TNN: variants seen among roughly 807,000 people sequenced by gnomAD.
TNN encodes the protein tenascin N, also known as tenascin-N.
In TNN, 122 loss-of-function variants were observed where a neutral mutation model predicts 134.4. That is an observed-to-expected ratio of 0.91 (90% confidence interval 0.78 to 1.06). The LOEUF (loss-of-function observed/expected upper bound fraction) is 1.06, where lower values mean the gene tolerates loss of function less well. Ranked by LOEUF, TNN falls within the 50% of genes least tolerant of loss-of-function variation. The pLI is 0.00. For missense variants in TNN, 1,739 were observed against 1,699.4 expected, an observed-to-expected ratio of 1.02 and a Z score of -0.41; for synonymous variants, 710 against 670.3, an observed-to-expected ratio of 1.06 and a Z score of -0.91.
intron 17 of TNN, among the ~76,000 whole-genome samples, chr1:175,140,197 G>A (rs1466823616): frequency 1.3e-5 from 2 of 152,178 alleles, no homozygotes; most frequent in Non-Finnish European, 2.9e-5. Flanking sequence ...GAGCCCTTGG[G>A]CCTCTTCAGT....
intron 1 of TNN, among the ~76,000 whole-genome samples, chr1:175,075,224 A>G (rs1487902098): frequency 6.6e-6 from 1 of 152,238 alleles, no homozygotes; most frequent in Non-Finnish European, 1.5e-5. Flanking sequence ...ACATATTACT[A>G]GAATTTGGCT....
chr1:175,073,928 CG>C (rs921349500), intron 1 of TNN, among the ~76,000 whole-genome samples: 1 of 152,164 alleles, frequency 6.6e-6, no homozygotes, highest in Admixed American at 6.5e-5. Flanking sequence ...CACCTCAGCT[CG>C]GGCCCTGAAC....
chr1:175,117,032 A>C lies in TNN; in HGVS notation c.2213A>C (p.Tyr738Ser), dbSNP rs768342181. 6.2e-7 allele frequency: 1 copy of C among 1,614,212 alleles called. No homozygotes were observed. Among genetic ancestry groups the C allele is most frequent in the East Asian group, 2.2e-5 (1 of 44,882 alleles). The change falls in exon 10 of 19, where the codon TAT (tyrosine) becomes TCT (serine). Residue 738 changes from tyrosine (Y) to serine (S), a missense_variant. By Grantham distance (144) the Tyr-to-Ser change is moderately radical. Transcript: ENST00000239462. ...CCGGTGCGGGCCACCATTGACAGGT[A>C]TGTGGTGCGCTACACCTCTGCCAAG... Reference protein sequence around the residue: ...WDPVRATIDRYVVRYTSAKDG... With the variant: ...WDPVRATIDRSVVRYTSAKDG...
At chr1:175,143,247 C>G (rs867685051) in intron 17 of TNN, among the ~76,000 whole-genome samples, 70 of 152,094 alleles carry the variant, frequency 4.6e-4, no homozygotes, top group African/African-American at 9.7e-5. Context: ...AATGCACATG[C>G]GAAGAAGATC....
chr1:175,127,893 C>A, intron 13 of TNN, 139 bp from the exon 14 acceptor site: 1 of 984,624 alleles, frequency 1.0e-6, no homozygotes, highest in Non-Finnish European at 1.5e-6. Context: ...TCTGGGCTGC[C>A]ACTGAGGCTT....
intron 15 of TNN, among the ~76,000 whole-genome samples, chr1:175,130,289 G>T (rs77142399): frequency 6.6e-6 from 1 of 152,344 alleles, no homozygotes; most frequent in East Asian, 1.9e-4. Context: ...TGAATAAAAA[G>T]ATACCATCTG....
rs889169856 is a variant in TNN at position 175,097,652 on chromosome 1, G to C, written c.1824G>C (p.Glu608Asp). The C allele has an allele frequency of 1.2e-6, 2 of 1,614,092 alleles. No individual in the cohort carries two copies. The highest frequency in any genetic ancestry group is 1.3e-5 in the African/African-American group (1 of 74,938). Reference sequence around the variant, plus strand: ...TCTGGGCCCAGAAGGGGGACCGAGAGAGCAAGAAGGCTGACACCAACGCCC... The same window carrying C: ...TCTGGGCCCAGAAGGGGGACCGAGACAGCAAGAAGGCTGACACCAACGCCC... ...VHVWAQKGDR[E>D]SKKADTNAPT... The change falls in exon 8 of 19, where the codon GAG becomes GAC. Residue 608 changes from glutamate (E) to aspartate (D), a missense_variant. Glu to Asp is a conservative substitution (Grantham distance 45). Coordinates refer to ENST00000239462, the MANE Select transcript of TNN (RefSeq NM_022093.2).
intron 15 of TNN, among the ~76,000 whole-genome samples, chr1:175,134,281 C>T (rs761074090): frequency 2.0e-5 from 3 of 152,144 alleles, no homozygotes; most frequent in African/African-American, 7.2e-5. Flanking sequence ...CTTGGCCAGG[C>T]GCAGTGGCTC....
At chr1:175,125,099 G>A (rs988971592) in intron 12 of TNN, among the ~76,000 whole-genome samples, 75 of 152,138 alleles carry the variant, frequency 4.9e-4, no homozygotes, top group Non-Finnish European at 8.4e-4. Context: ...TCTGTGAGAC[G>A]AATAGAATAA....
chr1:175,087,422 G>T (rs998002293), intron 6 of TNN, among the ~76,000 whole-genome samples: 1 of 152,204 alleles, frequency 6.6e-6, no homozygotes, highest in Non-Finnish European at 1.5e-5. Context: ...TTTATCCGGC[G>T]TAGGAACAAA....
At chr1:175,130,415 A>C (rs1053010083) in intron 15 of TNN, among the ~76,000 whole-genome samples, 3 of 152,226 alleles carry the variant, frequency 2.0e-5, no homozygotes, top group Admixed American at 2.0e-4. Flanking sequence ...ACAGAGCAGA[A>C]TGTAACATGG....
At chr1:175,134,554 AC>A (rs1184197402) in intron 15 of TNN, among the ~76,000 whole-genome samples, 23 of 151,074 alleles carry the variant, frequency 1.5e-4, no homozygotes, top group African/African-American at 4.9e-5. Context: ...CAAAAAACAA[AC>A]AAACAACAAC....
At position 175,144,482 on chromosome 1, in the gene TNN, G is replaced by A. The variant is rs1321807108; in HGVS notation, c.3691G>A (p.Gly1231Ser). The stretch of plus-strand genomic sequence containing the variant: ...CAACTGTGCCCTGACACATCATGGT[G>A]GCTGGTGGTATAAGAACTGCCACTT... ...LSNCALTHHG[G>S]WWYKNCHLAN... Residue 1231 changes from glycine (G) to serine (S), a missense_variant, in exon 18 of 19, where the codon GGC becomes AGC. By Grantham distance (56) the Gly-to-Ser change is moderately conservative. Transcript: ENST00000239462. 1 of 1,614,236 alleles carries A rather than the reference G, an allele frequency of 6.2e-7. No individual in the cohort carries two copies. The highest frequency in any genetic ancestry group is 1.1e-5 in the South Asian group (1 of 91,088).
At chr1:175,084,551 G>T (rs377344918) in intron 5 of TNN, among the ~76,000 whole-genome samples, 4 of 152,166 alleles carry the variant, frequency 2.6e-5, no homozygotes, top group Non-Finnish European at 5.9e-5. Flanking sequence ...AAAGTAATAC[G>T]CAATCATGAA....
intron 15 of TNN, among the ~76,000 whole-genome samples, chr1:175,135,164 A>G (rs1018562759): frequency 2.6e-5 from 4 of 152,130 alleles, no homozygotes; most frequent in African/African-American, 7.2e-5. Flanking sequence ...ATGCTCTTAC[A>G]GTTCTGTTGC....
chr1:175,081,769 C>T (rs963434765), intron 4 of TNN, among the ~76,000 whole-genome samples: 15 of 152,082 alleles, frequency 9.9e-5, no homozygotes, highest in African/African-American at 3.6e-4. Flanking sequence ...AGTAAGACAG[C>T]GTTAGAAAGG....
chr1:175,084,495 T>C (rs780645405), intron 5 of TNN, among the ~76,000 whole-genome samples: 1 of 152,190 alleles, frequency 6.6e-6, no homozygotes, highest in Admixed American at 6.5e-5. Flanking sequence ...TGGATCAAGT[T>C]TGGCAGTGCT....
chr1:175,085,992 A>G (rs543342856), intron 6 of TNN, among the ~76,000 whole-genome samples: 1 of 152,196 alleles, frequency 6.6e-6, no homozygotes, highest in African/African-American at 2.4e-5. Context: ...CCTATTTCAA[A>G]TTTTTCTTGC....
Position 175,146,994 on chromosome 1 carries a change from C to T in TNN, c.3823C>T (p.Arg1275Cys), listed in dbSNP as rs1040064852. ...FSIPYVELKI[R>C]PHGYSREPVL... ...CATTCCTTACGTGGAGTTGAAAATC[C>T]GCCCTCATGGCTACAGCAGGGAGCC... Residue 1275 changes from arginine to cysteine, a missense_variant, in exon 19 of 19, where the codon CGC becomes TGC. Coordinates refer to ENST00000239462, the MANE Select transcript of TNN (RefSeq NM_022093.2). The T allele has an allele frequency of 6.2e-6, 10 of 1,603,774 alleles. No homozygotes were observed. Among genetic ancestry groups the T allele is most frequent in the Non-Finnish European group, 6.0e-6 (7 of 1,174,038 alleles).
Sources: gnomAD v4.1 joint callset for allele counts (sites outside exome capture counted in the v4.1 genomes callset) on GRCh38, gnomAD v4.1.1 for gene constraint, MANE v1.5 for transcripts, NCBI Gene and HGNC (gene_info 2026-07-23, HGNC 2026-07-21) for gene names.